The following CCDC171 variants were observed in gnomAD, a reference collection of about 807,000 sequenced individuals.
CCDC171 encodes the protein coiled-coil domain-containing protein 171.
CCDC171 carries 177 observed loss-of-function variants against 168.2 expected under a neutral mutation model. The observed-to-expected ratio is 1.05, with a 90% confidence interval of 0.93 to 1.19. The LOEUF (loss-of-function observed/expected upper bound fraction) is 1.19. CCDC171 is among the 50% of genes most tolerant of loss of function. The pLI, the probability that CCDC171 is intolerant of heterozygous loss-of-function variation, is 0.00. For missense variants in CCDC171, 1,991 were observed against 1,539.0 expected (o/e 1.29, Z -4.91); for synonymous variants, 687 against 540.8 (o/e 1.27, Z -3.75).
chr9:15,623,332 C>T lies in CCDC171; in HGVS notation c.741C>T (p.Asp247=), dbSNP rs763505675. The T allele has an allele frequency of 2.2e-5, 36 of 1,609,386 alleles. No homozygotes were observed. The highest frequency in any genetic ancestry group is 3.0e-5 in the Non-Finnish European group (35 of 1,176,972). The change falls in exon 7 of 26, where the codon GAC becomes GAT. Residue 247 remains aspartate, a synonymous_variant. Coordinates refer to ENST00000380701, the MANE Select transcript of CCDC171 (RefSeq NM_173550.4). ...KVEKLETEHM[D]CSDLLRRQTS... is the part of the protein sequence containing the mutation. Reference sequence around the variant, plus strand: ...AAAAATTAGAAACAGAACATATGGACTGCTCTGACCTTTTACGGCGACAAA... The same window carrying T: ...AAAAATTAGAAACAGAACATATGGATTGCTCTGACCTTTTACGGCGACAAA...
chr9:16,075,159 C>T, the CCDC171 span, among the ~76,000 whole-genome samples: 3 of 152,190 alleles, frequency 2.0e-5, no homozygotes, highest in African/African-American at 4.8e-5. Flanking sequence ...CAGATATTGG[C>T]ATGTCTCCCA....
At chr9:15,953,512 C>T (rs1829443014) in intron 25 of CCDC171, among the ~76,000 whole-genome samples, 1 of 152,136 alleles carries the variant, frequency 6.6e-6, no homozygotes, top group Non-Finnish European at 1.5e-5. Flanking sequence ...GCTCTCCTTG[C>T]ATCCTGGGGT....
At position 15,588,003 on chromosome 9, in the gene CCDC171, G is replaced by A. The variant is rs189769419; in HGVS notation, c.353-3363G>A. On this transcript the variant is annotated intron_variant, in intron 4 of 25. Coordinates refer to ENST00000380701, the MANE Select transcript of CCDC171 (RefSeq NM_173550.4). ...TGTAATCGCAGCACTTTGGGAGGCCGAGGCAGGTGGATCATGAGGTCAGAA... is the reference window on the plus strand; with the variant it reads ...TGTAATCGCAGCACTTTGGGAGGCCAAGGCAGGTGGATCATGAGGTCAGAA... 2.2e-3 allele frequency among the ~76,000 whole-genome samples: 340 copies of A among 152,266 alleles called. 1 individual carries two copies. Among genetic ancestry groups the A allele is most frequent in the African/African-American group, 7.9e-3 (328 of 41,546 alleles).
chr9:16,059,903 A>G (rs2987092), intron 1 of CCDC171, among the ~76,000 whole-genome samples: 6,423 of 152,190 alleles, frequency 0.042, 179 homozygotes, highest in African/African-American at 0.081. Flanking sequence ...TGGTGGTAGA[A>G]TGATGGAGCT....
chr9:15,744,717 A>G lies in CCDC171; in HGVS notation c.2494A>G (p.Lys832Glu). Residue 832 changes from lysine (K) to glutamate (E), a missense_variant, in exon 17 of 26, where the codon AAA (lysine) becomes GAA (glutamate). Physicochemically the swap from Lys to Glu is moderately conservative, Grantham distance 56 (BLOSUM62 1). Transcript: ENST00000380701. ...TCTTTTTACCTGGATGGAGAGTTTC[A>G]AAGAAGGCATAGGCATGTTAGTGTG... ...ASLFTWMESF[K>E]EGIGMLVCTG... 6.2e-7 allele frequency: 1 copy of G among 1,614,112 alleles called. No homozygotes were observed. The highest frequency in any genetic ancestry group is 1.1e-5 in the South Asian group (1 of 91,090).
At chr9:16,033,620 T>C (rs372793645) in intron 6 of CCDC171, among the ~76,000 whole-genome samples, 116 of 152,308 alleles carry the variant, frequency 7.6e-4, no homozygotes, top group African/African-American at 2.6e-3. Flanking sequence ...TATTACAATG[T>C]AACAATAATA....
chr9:15,760,408 G>A (rs575243919), intron 18 of CCDC171, among the ~76,000 whole-genome samples: 2 of 152,160 alleles, frequency 1.3e-5, no homozygotes, highest in East Asian at 3.9e-4. Context: ...AAAACGTGTT[G>A]GATATACATT....
chr9:16,057,955 G>C (rs1377067751), intron 1 of CCDC171, among the ~76,000 whole-genome samples: 2 of 151,762 alleles, frequency 1.3e-5, no homozygotes, highest in African/African-American at 4.8e-5. Context: ...GAGCACAAAT[G>C]AATCTCCTGA....
intron 9 of CCDC171, among the ~76,000 whole-genome samples, chr9:15,667,255 C>T (rs1283743656): frequency 6.6e-6 from 1 of 152,066 alleles, no homozygotes; most frequent in East Asian, 1.9e-4. Context: ...CATGATAATA[C>T]ATTGGCATAT....
intron 1 of CCDC171, among the ~76,000 whole-genome samples, chr9:15,561,635 G>C (rs2039308375): frequency 6.6e-6 from 1 of 152,108 alleles, no homozygotes; most frequent in South Asian, 2.1e-4. Context: ...GGTGGAAGAA[G>C]AGGGAGGAGA....
chr9:15,894,039 A>G (rs754625674), intron 24 of CCDC171, among the ~76,000 whole-genome samples: 14 of 152,216 alleles, frequency 9.2e-5, no homozygotes, highest in African/African-American at 1.2e-4. Context: ...ATGCCCTTCA[A>G]TGATAGATTG....
At chr9:16,038,721 G>A (rs73645248), upstream of CCDC171, among the ~76,000 whole-genome samples, 2 of 151,740 alleles carry the variant, frequency 1.3e-5, no homozygotes, top group Non-Finnish European at 2.9e-5. Flanking sequence ...CCTAAAAAAT[G>A]TTAATGAACT....
chr9:16,062,923 G>A (rs1368209396), downstream of CCDC171, among the ~76,000 whole-genome samples: 1 of 152,190 alleles, frequency 6.6e-6, no homozygotes, highest in Admixed American at 6.5e-5. Context: ...TGTGCTCGGT[G>A]TAGCTCTTGA....
Position 15,807,958 on chromosome 9 carries a change from C to T in CCDC171, c.3267+23264C>T, listed in dbSNP as rs925217751. Among the ~76,000 whole-genome samples, 117 of 151,796 alleles carry T rather than the reference C, an allele frequency of 7.7e-4. 1 individual carries two copies. The highest frequency in any genetic ancestry group is 2.6e-3 in the African/African-American group (108 of 41,358). On this transcript the variant is annotated intron_variant, in intron 21 of 25. Coordinates refer to ENST00000380701, the MANE Select transcript of CCDC171 (RefSeq NM_173550.4). The stretch of plus-strand genomic sequence containing the variant: ...TCTTATTAGGTTTTTTTGCCCTATG[C>T]TACTGGTTGTTCAGTATCTGAAAAC...
At chr9:15,913,011 T>C (rs1823939042) in intron 24 of CCDC171, among the ~76,000 whole-genome samples, 1 of 152,236 alleles carries the variant, frequency 6.6e-6, no homozygotes, top group South Asian at 2.1e-4. Context: ...TTTTTTGTTG[T>C]GTCTCTGCCA....
chr9:15,578,407 GTATTATTATTATTATTATTATTATTAT>G (rs36232245), intron 3 of CCDC171, among the ~76,000 whole-genome samples: 2 of 134,308 alleles, frequency 1.5e-5, no homozygotes, highest in African/African-American at 2.8e-5. Flanking sequence ...GTTAATTTTT[GTATTATTATTATTATTATTATTATTAT>G]TATTATTATT....
chr9:15,963,416 C>T (rs955501482), intron 25 of CCDC171, among the ~76,000 whole-genome samples: 2 of 152,126 alleles, frequency 1.3e-5, no homozygotes, highest in African/African-American at 2.4e-5. Context: ...GCATGCTCAC[C>T]TTGGTGAACT....
intron 18 of CCDC171, among the ~76,000 whole-genome samples, chr9:15,776,942 C>G (rs1373139896): frequency 6.6e-6 from 1 of 152,140 alleles, no homozygotes; most frequent in Non-Finnish European, 1.5e-5. Context: ...TAAGACCTAC[C>G]TAGCAGAGGG....
chr9:16,061,865 G>C (rs2133087786), downstream of CCDC171, among the ~76,000 whole-genome samples: 1 of 152,230 alleles, frequency 6.6e-6, no homozygotes, highest in East Asian at 1.9e-4. Flanking sequence ...TGGTGTGCCG[G>C]CAAACAGGCA....
Sources: gnomAD v4.1 joint callset for allele counts (sites outside exome capture counted in the v4.1 genomes callset) on GRCh38, gnomAD v4.1.1 for gene constraint, MANE v1.5 for transcripts, NCBI Gene and HGNC (gene_info 2026-07-23, HGNC 2026-07-21) for gene names.